The following CADM2 variants were observed in gnomAD, a reference collection of about 807,000 sequenced individuals.
CADM2 encodes immunoglobulin superfamily member 4D.
CADM2 carries 12 observed loss-of-function variants against 49.8 expected under a neutral mutation model. The observed-to-expected ratio is 0.24, with a 90% CI of 0.15 to 0.39. The LOEUF (loss-of-function observed/expected upper bound fraction) is 0.39, where lower values mean the gene tolerates loss of function less well. Ranked by LOEUF, CADM2 falls within the 10% of genes least tolerant of loss-of-function variation. CADM2 has a pLI of 1.00. For missense variants in CADM2, 378 were observed against 492.3 expected, an observed-to-expected ratio of 0.77 and a Z score of 2.20; for synonymous variants, 214 against 175.4, an observed-to-expected ratio of 1.22 and a Z score of -1.74.
At chr3:85,360,517 G>A (rs1387238041) in intron 1 of CADM2, among the ~76,000 whole-genome samples, 1 of 152,084 alleles carries the variant, frequency 6.6e-6, no homozygotes, top group African/African-American at 2.4e-5. Context: ...ATAACATATG[G>A]ATAGTTAAAA....
intron 1 of CADM2, among the ~76,000 whole-genome samples, chr3:85,359,662 A>T (rs370801094): frequency 0.062 from 1,594 of 25,918 alleles, 202 homozygotes; most frequent in East Asian, 0.24. Context: ...ATATATATAT[A>T]TATATTTTTT....
chr3:85,883,553 T>C (rs1713128026), intron 4 of CADM2, 110 bp downstream of exon 4: 1 of 961,628 alleles, frequency 1.0e-6, no homozygotes, highest in Non-Finnish European at 1.5e-6. Context: ...TGAATAGATA[T>C]GGTTTAATCC....
At chr3:85,633,111 G>A (rs2064361077) in intron 1 of CADM2, among the ~76,000 whole-genome samples, 1 of 151,952 alleles carries the variant, frequency 6.6e-6, no homozygotes, top group Non-Finnish European at 1.5e-5. Flanking sequence ...AAAGAGCATT[G>A]CCAATAAAAG....
chr3:85,634,016 T>C (rs1453840667), intron 1 of CADM2, among the ~76,000 whole-genome samples: 1 of 151,930 alleles, frequency 6.6e-6, no homozygotes, highest in Non-Finnish European at 1.5e-5. Context: ...ATAATACAAA[T>C]ATAAAAAACT....
At chr3:85,575,755 G>GCAAC (rs1489214543) in intron 1 of CADM2, among the ~76,000 whole-genome samples, 4 of 152,026 alleles carry the variant, frequency 2.6e-5, no homozygotes, top group Non-Finnish European at 4.4e-5. Context: ...TCAAACTGTT[G>GCAAC]GGTGGGAAAA....
chr3:85,344,105 C>T (rs1255960482), intron 1 of CADM2, among the ~76,000 whole-genome samples: 3 of 151,778 alleles, frequency 2.0e-5, no homozygotes, highest in South Asian at 4.1e-4. Flanking sequence ...TTGTATGGGC[C>T]GGGCTCACGC....
chr3:85,866,485 T>C (rs1272644682), intron 3 of CADM2, among the ~76,000 whole-genome samples: 1 of 152,198 alleles, frequency 6.6e-6, no homozygotes, highest in East Asian at 1.9e-4. Context: ...TTGTGAATTT[T>C]ATGCCATATT....
chr3:85,286,696 T>C (rs2043641726), intron 1 of CADM2, among the ~76,000 whole-genome samples: 1 of 152,150 alleles, frequency 6.6e-6, no homozygotes, highest in African/African-American at 2.4e-5. Context: ...ATTAAGTATA[T>C]ATTCCAATCT....
chr3:85,486,706 G>A (rs57872438), intron 1 of CADM2, among the ~76,000 whole-genome samples: 77,881 of 151,538 alleles, frequency 0.51, 22,934 homozygotes, highest in East Asian at 0.85. Flanking sequence ...AGACCAATTG[G>A]AATGTGTATA....
chr3:85,410,690 G>T (rs1231600348), intron 1 of CADM2, among the ~76,000 whole-genome samples: 1 of 152,158 alleles, frequency 6.6e-6, no homozygotes, highest in Non-Finnish European at 1.5e-5. Context: ...ACAAGTTATT[G>T]GCTAAAGGCA....
At chr3:85,553,953 C>T (rs140978823) in intron 1 of CADM2, among the ~76,000 whole-genome samples, 74 of 152,172 alleles carry the variant, frequency 4.9e-4, no homozygotes, top group African/African-American at 1.7e-3. Flanking sequence ...AAAGTTATGG[C>T]ATATGTTGGA....
chr3:84,965,296 C>T lies in CADM2; in HGVS notation c.61+5628C>T, dbSNP rs575455134. Reference sequence around the variant, plus strand: ...GAGCTGTGGCAGCTGAAGCCCCCTGCTGTGTGATGATGCAAATGGCATCTC... The same window carrying T: ...GAGCTGTGGCAGCTGAAGCCCCCTGTTGTGTGATGATGCAAATGGCATCTC... On this transcript the variant is annotated intron_variant, in intron 1 of 9. Coordinates refer to ENST00000383699, the MANE Select transcript of CADM2 (RefSeq NM_001167675.2). 3.3e-5 allele frequency among the ~76,000 whole-genome samples: 5 copies of T among 152,250 alleles called. No homozygotes were observed. In the East Asian group the frequency reaches 9.7e-4, roughly 29 times the overall value.
At chr3:85,913,567 A>G (rs754545528) in intron 6 of CADM2, among the ~76,000 whole-genome samples, 22 of 152,144 alleles carry the variant, frequency 1.4e-4, no homozygotes, top group Non-Finnish European at 3.2e-4. Context: ...GCACTATGTA[A>G]TAGGCATTGT....
rs147280370 is a variant in CADM2, at chr3:85,058,324, C to T, written c.61+98656C>T. ...CTGGGAGGTTATGTATACATATATG[C>T]ATATGTAGAAGTATGTGTATATATA... On this transcript the variant is annotated intron_variant, in intron 1 of 9. Transcript: ENST00000383699. 3.8e-3 allele frequency among the ~76,000 whole-genome samples: 581 copies of T among 152,140 alleles called. 6 individuals are homozygous for T. Among genetic ancestry groups the T allele is most frequent in the African/African-American group, 0.013 (557 of 41,528 alleles).
chr3:85,054,959 G>T (rs1203961986), intron 1 of CADM2, among the ~76,000 whole-genome samples: 2 of 151,892 alleles, frequency 1.3e-5, no homozygotes, highest in Non-Finnish European at 2.9e-5. Flanking sequence ...ACCACAGCAT[G>T]CAGTAGTTGT....
chr3:85,177,341 G>A (rs977401644), intron 1 of CADM2, among the ~76,000 whole-genome samples: 28 of 151,762 alleles, frequency 1.8e-4, no homozygotes, highest in African/African-American at 6.5e-4. Flanking sequence ...TCCTCCAGTG[G>A]GGAGTCAAAA....
chr3:85,866,576 T>C (rs554118893), intron 3 of CADM2, among the ~76,000 whole-genome samples: 36 of 152,288 alleles, frequency 2.4e-4, no homozygotes, highest in African/African-American at 8.4e-4. Context: ...TTCAAATAAA[T>C]TGCAAGCTCT....
chr3:85,020,831 A>G (rs2034470531), intron 1 of CADM2, among the ~76,000 whole-genome samples: 1 of 151,944 alleles, frequency 6.6e-6, no homozygotes, highest in Non-Finnish European at 1.5e-5. Context: ...GCATTGCGGC[A>G]CAATAAAAAA....
At chr3:85,947,620 G>A (rs545811645) in intron 7 of CADM2, among the ~76,000 whole-genome samples, 2 of 151,072 alleles carry the variant, frequency 1.3e-5, no homozygotes, top group African/African-American at 4.9e-5. Flanking sequence ...TTGGTCTTTT[G>A]CTTCTATTTT....
Sources: gnomAD v4.1 joint callset for allele counts (sites outside exome capture counted in the v4.1 genomes callset) on GRCh38, gnomAD v4.1.1 for gene constraint, MANE v1.5 for transcripts, NCBI Gene and HGNC (gene_info 2026-07-23, HGNC 2026-07-21) for gene names.